The following SIGLEC7 variants were observed in gnomAD, a reference collection of about 807,000 sequenced individuals.
SIGLEC7 encodes the protein sialic acid binding Ig like lectin 7.
SIGLEC7 carries 33 observed loss-of-function variants against 40.8 expected under a neutral mutation model. The ratio of observed to expected loss-of-function variants is 0.81; its 90% CI spans 0.61 to 1.08. The LOEUF is 1.08. Ranked by LOEUF, SIGLEC7 falls within the 50% of genes least tolerant of loss-of-function variation. The pLI is 0.00. For synonymous variants in SIGLEC7, 242 were observed against 237.6 expected, an observed-to-expected ratio of 1.02 and a Z score of -0.17; for missense variants, 513 against 576.1, an observed-to-expected ratio of 0.89 and a Z score of 1.12.
rs768046509 is a variant in SIGLEC7 at position 51,144,853 on chromosome 19, A to G, written c.713-59A>G. ...CCCCATTTATGCAGCTCCTGGGGAG[A>G]CAGGGCCAGTGTCCCCAGCCCTCAC... is the stretch of plus-strand genomic sequence containing the variant. On this transcript the variant is annotated intron_variant, in intron 2 of 6. Transcript: ENST00000317643. 15 of 1,588,084 alleles carry G rather than the reference A, an allele frequency of 9.4e-6. No individual in the cohort carries two copies. The South Asian group carries it at 1.7e-4, about 18-fold the overall frequency.
At chr19:51,144,367 A>C (rs368716835) in intron 1 of SIGLEC7, 39 bp from the exon 2 acceptor site, 2 of 1,565,874 alleles carry the variant, frequency 1.3e-6, no homozygotes, top group Non-Finnish European at 1.7e-6. Flanking sequence ...TGTACCATGG[A>C]TCCTCTGTCC....
chr19:51,144,066 G>A (rs567316558), intron 1 of SIGLEC7: 1 of 616,342 alleles, frequency 1.6e-6, no homozygotes, highest in East Asian at 3.9e-5. Flanking sequence ...CACCTCCTTG[G>A]GGACCTGAAG....
chr19:51,146,866 A>C lies in SIGLEC7; in HGVS notation c.1124+16A>C, dbSNP rs778173432. ...TCTTCATTGTGTGAGCACTGACCCT[A>C]GGGAGGGAGGGAGAGTCCTGGGGGA... On this transcript the variant is annotated intron_variant, in intron 5 of 6. Transcript: ENST00000317643. 1 of 1,601,368 alleles carries C rather than the reference A, an allele frequency of 6.2e-7. No individual in the cohort carries two copies. The highest frequency in any genetic ancestry group is 2.2e-5 in the East Asian group (1 of 44,660).
At chr19:51,149,699 T>C (rs888113906) in intron 6 of SIGLEC7, among the ~76,000 whole-genome samples, 7 of 152,242 alleles carry the variant, frequency 4.6e-5, no homozygotes, top group Admixed American at 4.6e-4. Flanking sequence ...ATCTCATTGG[T>C]AGTTTGATAG....
Position 51,145,032 on chromosome 19 carries a change from AT to A in SIGLEC7, c.760+74del, listed in dbSNP as rs1599831496. 8.0e-5 allele frequency: 113 copies of A among 1,415,100 alleles called. No homozygotes were observed. In the East Asian group the frequency reaches 2.6e-3, roughly 32 times the overall value. The allele number at this position is 1,415,100 out of a possible 1,614,324, so 87.7% of individuals were successfully genotyped here. On this transcript the variant is annotated intron_variant, in intron 3 of 6. Coordinates refer to ENST00000317643, the MANE Select transcript of SIGLEC7 (RefSeq NM_014385.4). The surrounding 1 kb of genome is among the most constrained non-coding windows in gnomAD (Gnocchi z 4.3). ...TCAGGGCAGGGCCAGGTCCCTCCTC[AT>A]CCTGGACTCACCCTGGTGATATGAG... is the stretch of plus-strand genomic sequence containing the variant.
At chr19:51,144,814 G>C in intron 2 of SIGLEC7, 98 bp from the exon 3 acceptor site, 3 of 1,576,506 alleles carry the variant, frequency 1.9e-6, no homozygotes, top group Non-Finnish European at 2.6e-6. Flanking sequence ...TCAGGAGGAC[G>C]CTGGCTCCGC....
Position 51,146,887 on chromosome 19 carries a change from G to C in SIGLEC7, c.1124+37G>C, listed in dbSNP as rs570226541. On this transcript the variant is annotated intron_variant, in intron 5 of 6. Coordinates refer to ENST00000317643, the MANE Select transcript of SIGLEC7 (RefSeq NM_014385.4). ...CCCTAGGGAGGGAGGGAGAGTCCTG[G>C]GGGAGGGCGGACTGGGAGCAGGATC... The C allele has an allele frequency of 5.3e-5, 84 of 1,585,440 alleles. 2 individuals are homozygous for C. The South Asian group carries it at 8.7e-4, about 16-fold the overall frequency.
chr19:51,147,000 G>T, intron 5 of SIGLEC7, 150 bp downstream of exon 5: 1 of 989,790 alleles, frequency 1.0e-6, no homozygotes, highest in East Asian at 2.6e-5. Flanking sequence ...TTTCAAGAGC[G>T]CCCTTGTCTG....
In SIGLEC7 at chr19:51,146,019, C is replaced by G. The variant is rs1216304727; in HGVS notation, c.925C>G (p.Gln309Glu). Residue 309 changes from glutamine (Q) to glutamate (E), a missense_variant, in exon 4 of 7, where the codon CAA (glutamine) becomes GAA (glutamate). Gln to Glu is a conservative substitution (Grantham distance 29). Coordinates refer to ENST00000317643, the MANE Select transcript of SIGLEC7 (RefSeq NM_014385.4). Reference sequence around the variant, plus strand: ...CTCAAACCCTCTGGTACTGGAGCTGCAAGTGCACCTGGGGGATGAAGGGGA... The same window carrying G: ...CTCAAACCCTCTGGTACTGGAGCTGGAAGTGCACCTGGGGGATGAAGGGGA... ...QPSNPLVLEL[Q>E]VHLGDEGEFT... 2 of 1,614,118 alleles carry G rather than the reference C, an allele frequency of 1.2e-6. No homozygotes were observed. The highest frequency in any genetic ancestry group is 2.7e-5 in the African/African-American group (2 of 74,930).
intron 4 of SIGLEC7, 71 bp downstream of exon 4, chr19:51,146,192 G>A (rs554567575): frequency 1.3e-6 from 2 of 1,560,576 alleles, no homozygotes; most frequent in East Asian, 4.5e-5. Context: ...CTGCCCCTGA[G>A]CTTCAAGGGG....
intron 2 of SIGLEC7, 53 bp from the exon 3 acceptor site, chr19:51,144,859 C>T (rs763426107): frequency 2.5e-6 from 4 of 1,599,044 alleles, no homozygotes; most frequent in Non-Finnish European, 3.4e-6. Flanking sequence ...GGAGACAGGG[C>T]CAGTGTCCCC....
At position 51,153,194 on chromosome 19, in the gene SIGLEC7, A is replaced by C; in HGVS notation, c.1353A>C (p.Ser451=). The change falls in exon 7 of 7, where the codon TCA becomes TCC. Residue 451 remains serine, a synonymous_variant. Coordinates refer to ENST00000317643, the MANE Select transcript of SIGLEC7 (RefSeq NM_014385.4). ...SFHKGEPQDL[S]GQEATNNEYS... ...ATAAGGGGGAGCCTCAGGACCTATC[A>C]GGACAAGAAGCCACCAACAATGAGT... 1 of 1,604,718 alleles carries C rather than the reference A, an allele frequency of 6.2e-7. No homozygotes were observed. Among genetic ancestry groups the C allele is most frequent in the Middle Eastern group, 1.7e-4 (1 of 6,030 alleles).
rs966747422 is a variant in SIGLEC7, at chr19:51,151,482, T to C, written c.1222-1581T>C. On this transcript the variant is annotated intron_variant, in intron 6 of 6. Coordinates refer to ENST00000317643, the MANE Select transcript of SIGLEC7 (RefSeq NM_014385.4). ...TGGGCTGGGGGTACAGATTTGGGAG[T>C]CATTAGCCTATTGATGGCATGAAGC... 2.6e-5 allele frequency among the ~76,000 whole-genome samples: 4 copies of C among 152,194 alleles called. No homozygotes were observed. The South Asian group carries it at 8.3e-4, about 32-fold the overall frequency.
rs2092110771 is a variant in SIGLEC7 at position 51,146,742 on chromosome 19, A to G, written c.1028-12A>G. The G allele has an allele frequency of 1.9e-6, 3 of 1,611,972 alleles. No individual in the cohort carries two copies. Among genetic ancestry groups the G allele is most frequent in the Non-Finnish European group, 1.7e-6 (2 of 1,178,690 alleles). ...GAGTTGGATCACCAAAACAATTCCA[A>G]TCCATCCTCAGGCAAAATGAGGCCT... is the stretch of plus-strand genomic sequence containing the variant. On this transcript the variant is annotated splice_polypyrimidine_tract_variant and intron_variant, in intron 4 of 6. Transcript: ENST00000317643.
At chr19:51,144,986 T>C in intron 3 of SIGLEC7, 27 bp downstream of exon 3, 1 of 1,611,738 alleles carries the variant, frequency 6.2e-7, no homozygotes, top group Non-Finnish European at 8.5e-7. Flanking sequence ...TCCCTGGGGC[T>C]GGGGGAGCAG....
chr19:51,143,164 T>C (rs923917802), intron 1 of SIGLEC7, among the ~76,000 whole-genome samples: 11 of 152,166 alleles, frequency 7.2e-5, no homozygotes, highest in Non-Finnish European at 1.2e-4. Flanking sequence ...ACCCATGCAG[T>C]GAGACAATAA....
chr19:51,147,216 C>A lies in SIGLEC7; in HGVS notation c.1125-5C>A. The A allele has an allele frequency of 6.2e-7, 1 of 1,612,186 alleles. No individual in the cohort carries two copies. Among genetic ancestry groups the A allele is most frequent in the South Asian group, 1.1e-5 (1 of 91,064 alleles). The stretch of plus-strand genomic sequence containing the variant: ...ACTGAAAGGCTCTCTGGTCTCTTCA[C>A]TCAGAGTGAGGTCCTGCAGGAAGAA... On this transcript the variant is annotated splice_polypyrimidine_tract_variant and splice_region_variant and intron_variant, in intron 5 of 6. Coordinates refer to ENST00000317643, the MANE Select transcript of SIGLEC7 (RefSeq NM_014385.4).
chr19:51,142,373 C>T lies in SIGLEC7; in HGVS notation c.4C>T (p.Leu2=). The T allele has an allele frequency of 6.3e-7, 1 of 1,590,226 alleles. No individual in the cohort carries two copies. ...CCTGGCACCTCCAACCCCAGATATG[C>T]TGCTGCTGCTGCTGCTGCCCCTGCT... The part of the protein sequence containing the change: M[L]LLLLLPLLWG... Residue 2 remains leucine (L), a synonymous_variant, in exon 1 of 7, where the codon CTG becomes TTG. Transcript: ENST00000317643. The surrounding 1 kb of genome is among the most constrained non-coding windows in gnomAD (Gnocchi z 5.0).
chr19:51,147,134 C>T, intron 5 of SIGLEC7, 87 bp from the exon 6 acceptor site: 1 of 1,591,690 alleles, frequency 6.3e-7, no homozygotes. Context: ...CCTCCAGCGC[C>T]CCAACAGGAA....
Sources: allele counts gnomAD v4.1 joint callset (sites outside exome capture counted in the v4.1 genomes callset), GRCh38; gene constraint gnomAD v4.1.1; non-coding constraint Gnocchi (gnomAD v3.1); transcripts MANE v1.5; gene names NCBI Gene and HGNC (gene_info 2026-07-23, HGNC 2026-07-21).